Variants in ZNF74 observed in about 807,000 individuals in gnomAD.
ZNF74 encodes the protein zinc finger protein 520.
ZNF74 carries 12 observed loss-of-function variants against 17.7 expected under a neutral mutation model. The observed-to-expected ratio is 0.68, with a 90% CI of 0.43 to 1.10. The LOEUF (loss-of-function observed/expected upper bound fraction) is 1.10. ZNF74 is among the 50% of genes least tolerant of loss of function. The probability of loss-of-function intolerance (pLI) is 0.00; values close to 1 mark genes in which losing one functional copy is unlikely to be tolerated. For synonymous variants in ZNF74, 358 were observed against 362.1 expected (o/e 0.99, Z 0.13); for missense variants, 811 against 881.0 (o/e 0.92, Z 1.01).
chr22:20,395,780 A>T (rs1395161438), intron 2 of ZNF74, among the ~76,000 whole-genome samples: 1 of 152,110 alleles, frequency 6.6e-6, no homozygotes, highest in African/African-American at 2.4e-5. Context: ...TTGGTGCAGG[A>T]TGTTTGCACG....
At position 20,395,336 on chromosome 22, in the gene ZNF74, T is replaced by C. The variant is rs757588907; in HGVS notation, c.38T>C (p.Leu13Pro). ...TGACTCATTTCTCCTTCGCCAGCTC[T>C]TTCCTCTCAGGATCCTGCTCTTTCC... ...IPAPEPEKTA[L>P]SSQDPALSLK... The change falls in exon 2 of 5, where the codon CTT becomes CCT. Residue 13 changes from leucine to proline, a missense_variant. Physicochemically the swap from Leu to Pro is moderately conservative, Grantham distance 98. Transcript: ENST00000400451. 1.1e-5 allele frequency: 17 copies of C among 1,597,982 alleles called. No homozygotes were observed. Among genetic ancestry groups the C allele is most frequent in the Non-Finnish European group, 1.4e-5 (16 of 1,167,392 alleles).
Position 20,406,924 on chromosome 22 carries a change from A to G in ZNF74, c.1891A>G (p.Arg631Gly), listed in dbSNP as rs1440567827. The change falls in exon 5 of 5, where the codon AGA becomes GGA. Residue 631 changes from arginine (R) to glycine (G), a missense_variant. Transcript: ENST00000400451. Reference sequence around the variant, plus strand: ...AAAGCTCTTGTGCGTGGTTCCCCCCAGAGCTGGCAGGAATTTCTCCCTGGG... The same window carrying G: ...AAAGCTCTTGTGCGTGGTTCCCCCCGGAGCTGGCAGGAATTTCTCCCTGGG... ...VAKLLCVVPP[R>G]AGRNFSLGSK... 3 of 1,613,762 alleles carry G rather than the reference A, an allele frequency of 1.9e-6. No homozygotes were observed. The South Asian group carries it at 3.3e-5, about 18-fold the overall frequency.
intron 2 of ZNF74, among the ~76,000 whole-genome samples, chr22:20,396,164 T>C (rs1349742244): frequency 7.0e-6 from 1 of 143,642 alleles, no homozygotes; most frequent in African/African-American, 2.8e-5. Flanking sequence ...GTCTTTGGGT[T>C]TTTGTTTTTT....
At chr22:20,395,183 G>A in intron 1 of ZNF74, 150 bp from the exon 2 acceptor site, 1 of 610,776 alleles carries the variant, frequency 1.6e-6, no homozygotes, top group Non-Finnish European at 3.0e-6. Context: ...TGCTGTTTCT[G>A]TTGGTGCTAG....
intron 2 of ZNF74, chr22:20,399,761 A>T: frequency 4.6e-6 from 1 of 218,030 alleles, no homozygotes; most frequent in Non-Finnish European, 9.4e-6. Flanking sequence ...CCTTGCTATT[A>T]GTTTTCTATG....
At position 20,405,751 on chromosome 22, in the gene ZNF74, G is replaced by A. The variant is rs1347352036; in HGVS notation, c.718G>A (p.Gly240Arg). 4 of 1,605,256 alleles carry A rather than the reference G, an allele frequency of 2.5e-6. No individual in the cohort carries two copies. The East Asian group carries it at 6.8e-5, about 27-fold the overall frequency. ...EKFPQVRRQRGAGAGEGEFVC... is the reference protein window; with the variant it reads ...EKFPQVRRQRRAGAGEGEFVC... ...GTTCCCCCAGGTGCGCCGGCAGCGC[G>A]GGGCGGGCGCCGGGGAGGGCGAGTT... Residue 240 changes from glycine to arginine, a missense_variant, in exon 5 of 5, where the codon GGG becomes AGG. Gly to Arg is a moderately radical substitution (Grantham distance 125). Transcript: ENST00000400451.
chr22:20,400,200 G>T, intron 2 of ZNF74: 1 of 176,730 alleles, frequency 5.7e-6, no homozygotes, highest in Non-Finnish European at 1.2e-5. Context: ...GTCTGGGATC[G>T]GATCCTTTTG....
intron 1 of ZNF74, chr22:20,394,995 C>T (rs1325019975): frequency 4.7e-6 from 2 of 429,550 alleles, no homozygotes; most frequent in Non-Finnish European, 8.4e-6. Flanking sequence ...TCAAGCGATC[C>T]GCCCGCCTCG....
intron 4 of ZNF74, among the ~76,000 whole-genome samples, chr22:20,402,413 C>T (rs2052368857): frequency 6.6e-6 from 1 of 152,192 alleles, no homozygotes; most frequent in South Asian, 2.1e-4. Context: ...TACTGAAATC[C>T]TGCATAATCT....
In ZNF74 at chr22:20,406,617, C is replaced by T. The variant is rs771540843; in HGVS notation, c.1584C>T (p.Tyr528=). ...GCATCCACACCGGTGAGAAGCCCTA[C>T]AAGTGCAGCGAGTGCGGCAGAGCCT... ...HQRIHTGEKP[Y]KCSECGRAFS... is the part of the protein sequence containing the mutation. Residue 528 remains tyrosine (Y), a synonymous_variant, in exon 5 of 5, where the codon TAC becomes TAT. Transcript: ENST00000400451. The T allele has an allele frequency of 8.7e-6, 14 of 1,614,280 alleles. No homozygotes were observed. The highest frequency in any genetic ancestry group is 6.7e-5 in the Admixed American group (4 of 60,032).
At chr22:20,394,920 C>G in intron 1 of ZNF74, 1 of 523,012 alleles carries the variant, frequency 1.9e-6, no homozygotes. Context: ...GCCACCACGC[C>G]CGGCTAATGT....
At chr22:20,397,749 G>A (rs1569091341) in intron 2 of ZNF74, among the ~76,000 whole-genome samples, 1 of 152,170 alleles carries the variant, frequency 6.6e-6, no homozygotes, top group South Asian at 2.1e-4. Context: ...TAGTCTGCTA[G>A]GGTTGCCATA....
At chr22:20,398,434 C>G (rs2052322392) in intron 2 of ZNF74, among the ~76,000 whole-genome samples, 1 of 151,918 alleles carries the variant, frequency 6.6e-6, no homozygotes, top group Non-Finnish European at 1.5e-5. Context: ...GCAAACTGCT[C>G]CGCAGTTTGC....
At chr22:20,403,724 G>A (rs533482013) in intron 4 of ZNF74, among the ~76,000 whole-genome samples, 158 of 152,108 alleles carry the variant, frequency 1.0e-3, no homozygotes, top group Non-Finnish European at 2.0e-3. Context: ...AGCTGTGATT[G>A]CACCCCTGCA....
chr22:20,400,518 GAGA>G (rs2052344632), intron 2 of ZNF74, 111 bp from the exon 3 acceptor site: 1 of 1,314,314 alleles, frequency 7.6e-7, no homozygotes, highest in Admixed American at 1.7e-5. Flanking sequence ...TCTGGCATGG[GAGA>G]AGGTCACCTG....
Position 20,405,765 on chromosome 22 carries a change from G to T in ZNF74, c.732G>T (p.Gly244=). 1 of 1,608,010 alleles carries T rather than the reference G, an allele frequency of 6.2e-7. No individual in the cohort carries two copies. Among genetic ancestry groups the T allele is most frequent in the Non-Finnish European group, 8.5e-7 (1 of 1,177,704 alleles). ...QVRRQRGAGA[G]EGEFVCGECG... The stretch of plus-strand genomic sequence containing the variant: ...GCCGGCAGCGCGGGGCGGGCGCCGG[G>T]GAGGGCGAGTTCGTGTGCGGCGAGT... Residue 244 remains glycine, a synonymous_variant, in exon 5 of 5, where the codon GGG becomes GGT. Transcript: ENST00000400451.
rs746835749 is a variant in ZNF74, at chr22:20,405,810, G to C, written c.777G>C (p.Gln259His). The C allele has an allele frequency of 3.5e-5, 57 of 1,612,446 alleles. No homozygotes were observed. The highest frequency in any genetic ancestry group is 4.5e-5 in the Non-Finnish European group (53 of 1,179,742). ...GCGAGTGCGGGAAGGCGTTCCGCCA[G>C]AGCTCCTCCCTCACGCTGCACCGGC... ...VCGECGKAFR[Q>H]SSSLTLHRRW... is the part of the protein sequence containing the mutation. Residue 259 changes from glutamine to histidine, a missense_variant, in exon 5 of 5, where the codon CAG becomes CAC. Gln to His is a conservative substitution (Grantham distance 24). Around this residue, in one of 3 missense-constraint regions of ZNF74, gnomAD observed 666 missense variants for 702.3 expected, o/e 0.95. Transcript: ENST00000400451.
intron 2 of ZNF74, among the ~76,000 whole-genome samples, chr22:20,396,774 T>C (rs750088981): frequency 1.3e-5 from 2 of 152,208 alleles, no homozygotes; most frequent in African/African-American, 2.4e-5. Flanking sequence ...AGTTGTTCTG[T>C]CTCCTGGGAC....
chr22:20,397,731 A>G (rs2052311406), intron 2 of ZNF74, among the ~76,000 whole-genome samples: 1 of 152,148 alleles, frequency 6.6e-6, no homozygotes, highest in South Asian at 2.1e-4. Context: ...GTAATATTCC[A>G]TTTGTATTAG....
Sources: gnomAD v4.1 joint callset for allele counts (sites outside exome capture counted in the v4.1 genomes callset) on GRCh38, gnomAD v4.1.1 for gene constraint, gnomAD v4.1.1 regional missense constraint, MANE v1.5 for transcripts, NCBI Gene and HGNC (gene_info 2026-07-23, HGNC 2026-07-21) for gene names.